Variants in COL28A1 observed in about 807,000 individuals in gnomAD.
COL28A1 encodes the protein collagen alpha-1(XXVIII) chain.
COL28A1 carries 161 observed loss-of-function variants against 150.2 expected under a neutral mutation model. The ratio of observed to expected loss-of-function variants is 1.07; its 90% CI spans 0.94 to 1.22. The LOEUF (loss-of-function observed/expected upper bound fraction) is 1.22, where lower values mean the gene tolerates loss of function less well. Ranked by LOEUF, COL28A1 falls within the 50% of genes most tolerant of loss-of-function variation. The probability of loss-of-function intolerance (pLI) is 0.00; values close to 1 mark genes in which losing one functional copy is unlikely to be tolerated. For missense variants in COL28A1, 1,617 were observed against 1,388.3 expected, an observed-to-expected ratio of 1.16 and a Z score of -2.62; for synonymous variants, 552 against 469.7, an observed-to-expected ratio of 1.18 and a Z score of -2.26.
chr7:7,391,031 G>T (rs71533372), intron 27 of COL28A1, among the ~76,000 whole-genome samples: 2 of 152,102 alleles, frequency 1.3e-5, no homozygotes, highest in African/African-American at 4.8e-5. Context: ...TTTTGAATTT[G>T]TTTGGTCTTG....
At chr7:7,477,816 T>G (rs1049987883) in intron 13 of COL28A1, among the ~76,000 whole-genome samples, 7 of 152,202 alleles carry the variant, frequency 4.6e-5, no homozygotes, top group Non-Finnish European at 1.0e-4. Context: ...GGCAGCCTGC[T>G]TTTATTCTAT....
At chr7:7,483,293 T>C (rs1779450382) in intron 13 of COL28A1, among the ~76,000 whole-genome samples, 1 of 152,234 alleles carries the variant, frequency 6.6e-6, no homozygotes, top group South Asian at 2.1e-4. Context: ...CTTACAGTAT[T>C]TTTTATTTAT....
At chr7:7,460,391 T>TC (rs2128337722) in intron 15 of COL28A1, among the ~76,000 whole-genome samples, 1 of 152,260 alleles carries the variant, frequency 6.6e-6, no homozygotes, top group East Asian at 1.9e-4. Context: ...TTTGTTGTTT[T>TC]TTTTTTTAGA....
chr7:7,368,389 G>GT (rs34289231), intron 33 of COL28A1, among the ~76,000 whole-genome samples: 21,834 of 150,078 alleles, frequency 0.15, 1,721 homozygotes, highest in Middle Eastern at 0.2. Context: ...TTTGCCTACT[G>GT]TTTTTTTTGT....
intron 27 of COL28A1, among the ~76,000 whole-genome samples, chr7:7,385,531 AATT>A (rs1782133110): frequency 6.6e-6 from 1 of 152,198 alleles, no homozygotes; most frequent in South Asian, 2.1e-4. Flanking sequence ...TACTCAGAAT[AATT>A]ATTTCTTTTG....
At chr7:7,533,725 A>G (rs951677156) in intron 1 of COL28A1, among the ~76,000 whole-genome samples, 2 of 152,134 alleles carry the variant, frequency 1.3e-5, no homozygotes, top group African/African-American at 2.4e-5. Flanking sequence ...AAAATCCTCA[A>G]TCTTCATCAG....
chr7:7,358,613 A>G lies in COL28A1; in HGVS notation c.*20T>C, dbSNP rs757998842. The stretch of plus-strand genomic sequence containing the variant: ...TTAGGGAGTTCTATGCTTTTGATAG[A>G]GACAGGCCAATTTACTTGCTCATCC... On this transcript the variant is annotated 3_prime_UTR_variant, in exon 35 of 35. Transcript: ENST00000399429. 6.2e-7 allele frequency: 1 copy of G among 1,612,050 alleles called. No homozygotes were observed. Among genetic ancestry groups the G allele is most frequent in the South Asian group, 1.1e-5 (1 of 90,896 alleles).
chr7:7,511,774 G>A (rs777694493), intron 8 of COL28A1: 12 of 471,010 alleles, frequency 2.5e-5, no homozygotes, highest in South Asian at 7.7e-5. Flanking sequence ...TAGGAGAGCC[G>A]GGCTTGGCAG....
intron 27 of COL28A1, among the ~76,000 whole-genome samples, chr7:7,403,258 G>A (rs1231170066): frequency 6.6e-6 from 1 of 152,128 alleles, no homozygotes; most frequent in Non-Finnish European, 1.5e-5. Context: ...ACGGGGAAGT[G>A]AAAGACTTTC....
intron 33 of COL28A1, among the ~76,000 whole-genome samples, chr7:7,361,972 T>C (rs1337418437): frequency 6.6e-6 from 1 of 151,858 alleles, no homozygotes; most frequent in Non-Finnish European, 1.5e-5. Flanking sequence ...TAAGTGGGAG[T>C]TGAACAATGA....
intron 18 of COL28A1, among the ~76,000 whole-genome samples, chr7:7,447,897 T>C (rs760254647): frequency 6.6e-6 from 1 of 151,994 alleles, no homozygotes; most frequent in African/African-American, 2.4e-5. Flanking sequence ...CTAAAGCCCA[T>C]CTCTACTAAA....
chr7:7,520,211 G>T, intron 5 of COL28A1, 96 bp from the exon 6 acceptor site: 1 of 633,318 alleles, frequency 1.6e-6, no homozygotes, highest in Non-Finnish European at 2.7e-6. Flanking sequence ...CCTAGAATGA[G>T]GGAGAATTGT....
At chr7:7,515,399 C>A (rs183680244) in intron 8 of COL28A1, among the ~76,000 whole-genome samples, 1 of 152,282 alleles carries the variant, frequency 6.6e-6, no homozygotes. Context: ...CACTGCTTAA[C>A]CAGGATAAAT....
chr7:7,347,642 C>G, the COL28A1 span, among the ~76,000 whole-genome samples: 2 of 152,068 alleles, frequency 1.3e-5, no homozygotes. Context: ...GGAGCCATTT[C>G]TGGGGCAAAG....
chr7:7,452,651 C>A (rs1786799392), intron 17 of COL28A1, among the ~76,000 whole-genome samples: 1 of 152,212 alleles, frequency 6.6e-6, no homozygotes, highest in African/African-American at 2.4e-5. Flanking sequence ...TTTTAAGGAG[C>A]CCCTTGTGGA....
In COL28A1 at chr7:7,453,439, C is replaced by A; in HGVS notation, c.1440+1G>T. 1 of 1,172,282 alleles carries A rather than the reference C, an allele frequency of 8.5e-7. No individual in the cohort carries two copies. The highest frequency in any genetic ancestry group is 1.2e-5 in the South Asian group (1 of 82,326). The allele number at this position is 1,172,282 out of a possible 1,614,324, so 72.6% of individuals were successfully genotyped here. A position where few individuals can be genotyped will look rare whatever the true frequency, so the allele number is the denominator to read the frequency against. On this transcript the variant is annotated splice_donor_variant, in intron 17 of 34. Transcript: ENST00000399429. LOFTEE classifies it high-confidence loss of function. ...AACTCCGCTCTCATTTACAAAGTTA[C>A]CTTGGAACCAGGTAAGCCCTGTCCT...
rs531083628 is a variant in COL28A1 at position 7,431,764 on chromosome 7, G to C, written c.1998+709C>G. 17 of 325,346 alleles carry C rather than the reference G, an allele frequency of 5.2e-5. No individual in the cohort carries two copies. The Admixed American group carries it at 6.1e-4, about 12-fold the overall frequency. 20.2% of individuals were successfully genotyped at this position (325,346 alleles called of 1,614,324 possible). ...GAGGACAGAGGTGGAACAGAGGGAAGACCAATGAAGAGGCTATTTTTACAG... is the reference window on the plus strand; with the variant it reads ...GAGGACAGAGGTGGAACAGAGGGAACACCAATGAAGAGGCTATTTTTACAG... On this transcript the variant is annotated intron_variant, in intron 25 of 34. Coordinates refer to ENST00000399429, the MANE Select transcript of COL28A1 (RefSeq NM_001037763.3).
chr7:7,366,557 C>T (rs1780942064), intron 33 of COL28A1, among the ~76,000 whole-genome samples: 1 of 152,126 alleles, frequency 6.6e-6, no homozygotes. Flanking sequence ...TGTACAGCAA[C>T]CTTTTGTAGT....
At chr7:7,480,185 T>C (rs1217886853) in intron 13 of COL28A1, among the ~76,000 whole-genome samples, 2 of 152,228 alleles carry the variant, frequency 1.3e-5, no homozygotes, top group East Asian at 1.9e-4. Context: ...ATCATAGTTA[T>C]AGATTCATAA....
Sources: gnomAD v4.1 joint callset for allele counts (sites outside exome capture counted in the v4.1 genomes callset) on GRCh38, gnomAD v4.1.1 for gene constraint, MANE v1.5 for transcripts, NCBI Gene and HGNC (gene_info 2026-07-23, HGNC 2026-07-21) for gene names.